GALNT10: variants seen among roughly 807,000 people sequenced by gnomAD.
GALNT10 encodes polypeptide N-acetylgalactosaminyltransferase 10.
Under a neutral mutation model 75.0 loss-of-function variants are expected in GALNT10, and 41 were observed. The observed-to-expected ratio is 0.55, with a 90% CI of 0.43 to 0.71. GALNT10 has a LOEUF of 0.71. Among genes scored for constraint, GALNT10 ranks in the 30% least tolerant of loss-of-function variants. The pLI is 0.00. For synonymous variants in GALNT10, 302 were observed against 313.0 expected, an observed-to-expected ratio of 0.96 and a Z score of 0.37; for missense variants, 727 against 818.5, an observed-to-expected ratio of 0.89 and a Z score of 1.36.
At chr5:154,237,004 T>C (rs1753257748) in intron 1 of GALNT10, among the ~76,000 whole-genome samples, 1 of 152,138 alleles carries the variant, frequency 6.6e-6, no homozygotes, top group Non-Finnish European at 1.5e-5. Context: ...CCAAAACCAT[T>C]TTCCATATGG....
At chr5:154,341,694 G>C (rs751449623) in intron 4 of GALNT10, among the ~76,000 whole-genome samples, 2 of 152,136 alleles carry the variant, frequency 1.3e-5, no homozygotes, top group Non-Finnish European at 2.9e-5. Context: ...CAGCATTCAC[G>C]TTCTGTTGCC....
chr5:154,286,643 G>A (rs1429524905), intron 1 of GALNT10, among the ~76,000 whole-genome samples: 2 of 152,154 alleles, frequency 1.3e-5, no homozygotes, highest in African/African-American at 4.8e-5. Context: ...GGTTGATATG[G>A]TTCTGCCCTT....
rs1223495843 is a variant in GALNT10, at chr5:154,361,251, A to G, written c.569-15026A>G. ...GCATATGCTTCCACTATGAAAGGAA[A>G]GCACAGTAGTTAGGAGCACAGGCTC... is the stretch of plus-strand genomic sequence containing the variant. On this transcript the variant is annotated intron_variant, in intron 4 of 11. Transcript: ENST00000297107. 2.6e-5 allele frequency among the ~76,000 whole-genome samples: 4 copies of G among 152,156 alleles called. No homozygotes were observed. In the East Asian group the frequency reaches 7.7e-4, roughly 29 times the overall value.
At chr5:154,252,363 G>T (rs887847477) in intron 1 of GALNT10, among the ~76,000 whole-genome samples, 1 of 152,130 alleles carries the variant, frequency 6.6e-6, no homozygotes, top group South Asian at 2.1e-4. Flanking sequence ...TCCTTACGGA[G>T]CACTAGTGGG....
At chr5:154,295,803 T>C (rs1389888677) in intron 2 of GALNT10, among the ~76,000 whole-genome samples, 1 of 152,190 alleles carries the variant, frequency 6.6e-6, no homozygotes, top group African/African-American at 2.4e-5. Flanking sequence ...AACCTCAGGA[T>C]GTTATTGTGA....
chr5:154,339,822 TA>T (rs1260591432), intron 4 of GALNT10, among the ~76,000 whole-genome samples: 1 of 152,180 alleles, frequency 6.6e-6, no homozygotes. Context: ...AGTGTTTCCT[TA>T]AAAACATAGT....
chr5:154,358,020 A>C (rs372412429), intron 4 of GALNT10, among the ~76,000 whole-genome samples: 2 of 152,310 alleles, frequency 1.3e-5, no homozygotes, highest in South Asian at 4.1e-4. Flanking sequence ...TTCTGACTAC[A>C]TCCTCATTAA....
intron 1 of GALNT10, among the ~76,000 whole-genome samples, chr5:154,272,181 C>T (rs1394378891): frequency 6.6e-6 from 1 of 152,118 alleles, no homozygotes; most frequent in Non-Finnish European, 1.5e-5. Flanking sequence ...TAGGTCTTTT[C>T]GCCAAGAAGC....
Position 154,416,806 on chromosome 5 carries a change from T to A in GALNT10, c.1654-8T>A, listed in dbSNP as rs1750429372. 1 of 1,609,958 alleles carries A rather than the reference T, an allele frequency of 6.2e-7. No homozygotes were observed. ...TGCTGTCTGGCTTATTACCTCCATG[T>A]TTTGTAGGACAAGACCCTGTACCAC... is the stretch of plus-strand genomic sequence containing the variant. On this transcript the variant is annotated splice_region_variant and splice_polypyrimidine_tract_variant and intron_variant, in intron 11 of 11. Transcript: ENST00000297107. The surrounding 1 kb of genome is among the most constrained non-coding windows in gnomAD (Gnocchi z 4.5).
intron 4 of GALNT10, among the ~76,000 whole-genome samples, chr5:154,344,343 C>G (rs954557570): frequency 1.3e-5 from 2 of 151,828 alleles, no homozygotes; most frequent in Admixed American, 1.3e-4. Flanking sequence ...TCCTGAGTAG[C>G]TGGGATTACA....
chr5:154,265,760 A>C (rs1016683095), intron 1 of GALNT10, among the ~76,000 whole-genome samples: 1 of 152,158 alleles, frequency 6.6e-6, no homozygotes, highest in African/African-American at 2.4e-5. Context: ...TGGATGAAGC[A>C]CCTACCCCAG....
Position 154,191,005 on chromosome 5 carries a change from G to A in GALNT10, c.139G>A (p.Val47Met). The A allele has an allele frequency of 1.4e-6, 2 of 1,476,186 alleles. No individual in the cohort carries two copies. The highest frequency in any genetic ancestry group is 1.8e-6 in the Non-Finnish European group (2 of 1,110,738). The allele number at this position is 1,476,186 out of a possible 1,614,324, so 91.4% of individuals were successfully genotyped here. ...DGTPGGSGAA[V>M]APAAGQGSHS... ...CACCCCTGGGGGATCGGGGGCGGCGGTGGCGCCGGCGGCGGGACAGGTGAG... is the reference window on the plus strand; with the variant it reads ...CACCCCTGGGGGATCGGGGGCGGCGATGGCGCCGGCGGCGGGACAGGTGAG... The change falls in exon 1 of 12, where the codon GTG (valine) becomes ATG (methionine). Residue 47 changes from valine to methionine, a missense_variant. Coordinates refer to ENST00000297107, the MANE Select transcript of GALNT10 (RefSeq NM_198321.4).
chr5:154,277,400 A>G (rs546308113), intron 1 of GALNT10, among the ~76,000 whole-genome samples: 1 of 152,088 alleles, frequency 6.6e-6, no homozygotes, highest in African/African-American at 2.4e-5. Flanking sequence ...TGTCACTTCT[A>G]CCTCATTCTT....
At chr5:154,314,933 A>G (rs1754574796) in intron 3 of GALNT10, among the ~76,000 whole-genome samples, 1 of 152,070 alleles carries the variant, frequency 6.6e-6, no homozygotes. Flanking sequence ...GCTGTGAACT[A>G]CAAGTAATTG....
At chr5:154,276,417 G>T (rs1012581623) in intron 1 of GALNT10, among the ~76,000 whole-genome samples, 2 of 152,110 alleles carry the variant, frequency 1.3e-5, no homozygotes, top group South Asian at 2.1e-4. Flanking sequence ...CTTCAGTACC[G>T]CCAGATGGAG....
At chr5:154,334,193 C>G (rs993462702) in intron 4 of GALNT10, among the ~76,000 whole-genome samples, 3 of 152,216 alleles carry the variant, frequency 2.0e-5, no homozygotes, top group Non-Finnish European at 2.9e-5. Context: ...AGCTAAGGGT[C>G]GAGACCTCAG....
At chr5:154,345,364 C>T (rs550737196) in intron 4 of GALNT10, among the ~76,000 whole-genome samples, 1 of 152,248 alleles carries the variant, frequency 6.6e-6, no homozygotes, top group Non-Finnish European at 1.5e-5. Flanking sequence ...GCATTATTAA[C>T]TATATTCACC....
chr5:154,293,031 T>G (rs987083415), intron 1 of GALNT10, among the ~76,000 whole-genome samples: 1 of 152,212 alleles, frequency 6.6e-6, no homozygotes, highest in African/African-American at 2.4e-5. Flanking sequence ...CAGAATTATC[T>G]TCTTGCAATT....
chr5:154,348,026 G>A (rs1371315785), intron 4 of GALNT10, among the ~76,000 whole-genome samples: 1 of 152,218 alleles, frequency 6.6e-6, no homozygotes, highest in African/African-American at 2.4e-5. Flanking sequence ...AGAGCTGTCT[G>A]TCTGTGTGAA....
Sources: gnomAD v4.1 joint callset for allele counts (sites outside exome capture counted in the v4.1 genomes callset) on GRCh38, gnomAD v4.1.1 for gene constraint, Gnocchi (gnomAD v3.1) non-coding constraint, MANE v1.5 for transcripts, NCBI Gene and HGNC (gene_info 2026-07-23, HGNC 2026-07-21) for gene names.